KCNB2: variants seen among roughly 807,000 people sequenced by gnomAD.
KCNB2 encodes potassium voltage-gated channel subfamily B member 2, also known as delayed rectifier potassium channel protein.
KCNB2 carries 15 observed loss-of-function variants against 61.5 expected under a neutral mutation model. The observed-to-expected ratio is 0.24, with a 90% confidence interval of 0.16 to 0.38. The LOEUF (loss-of-function observed/expected upper bound fraction) is 0.38, where lower values mean the gene tolerates loss of function less well. Among genes scored for constraint, KCNB2 ranks in the 10% least tolerant of loss-of-function variants. The pLI is 1.00. For synonymous variants in KCNB2, 457 were observed against 446.0 expected (o/e 1.02, Z -0.31); for missense variants, 828 against 1,125.2 (o/e 0.74, Z 3.78).
chr8:72,802,917 T>C (rs1337383269), intron 2 of KCNB2, among the ~76,000 whole-genome samples: 4 of 152,212 alleles, frequency 2.6e-5, no homozygotes, highest in Non-Finnish European at 5.9e-5. Context: ...TGATGAATGC[T>C]GTGGAATGTC....
At chr8:72,705,215 T>C (rs1182764966) in intron 2 of KCNB2, among the ~76,000 whole-genome samples, 1 of 152,240 alleles carries the variant, frequency 6.6e-6, no homozygotes, top group Non-Finnish European at 1.5e-5. Flanking sequence ...AAGCTTGAGC[T>C]ATTTACCAGT....
At chr8:72,561,761 GGATATATA>G (rs1806531767) in intron 1 of KCNB2, among the ~76,000 whole-genome samples, 4 of 24,404 alleles carry the variant, frequency 1.6e-4, no homozygotes, top group African/African-American at 6.4e-4. Context: ...ATATATATAT[GGATATATA>G]TATATATGGA....
chr8:72,809,571 T>C (rs1174251045), intron 2 of KCNB2, among the ~76,000 whole-genome samples: 2 of 152,168 alleles, frequency 1.3e-5, no homozygotes, highest in African/African-American at 4.8e-5. Flanking sequence ...TGCTTTCAAC[T>C]TTATTAGAGA....
At chr8:72,680,753 T>C (rs1022034361) in intron 2 of KCNB2, among the ~76,000 whole-genome samples, 9 of 152,088 alleles carry the variant, frequency 5.9e-5, no homozygotes, top group Non-Finnish European at 1.3e-4. Flanking sequence ...CCCTCAGAAA[T>C]GCACGAGATA....
chr8:72,659,187 G>A (rs927293109), intron 2 of KCNB2, among the ~76,000 whole-genome samples: 7 of 152,180 alleles, frequency 4.6e-5, no homozygotes, highest in South Asian at 2.1e-4. Context: ...ATGATTCACC[G>A]GAGGAGGTCA....
intron 1 of KCNB2, among the ~76,000 whole-genome samples, chr8:72,539,382 G>A (rs774569031): frequency 3.9e-5 from 6 of 152,210 alleles, no homozygotes; most frequent in Non-Finnish European, 7.3e-5. Flanking sequence ...ACCTAGAAGA[G>A]TTAATATGCT....
intron 2 of KCNB2, among the ~76,000 whole-genome samples, chr8:72,914,996 C>A (rs1244787568): frequency 6.6e-6 from 1 of 151,968 alleles, no homozygotes; most frequent in Non-Finnish European, 1.5e-5. Context: ...CCTCCACCTC[C>A]TGTGTTGAAG....
intron 2 of KCNB2, among the ~76,000 whole-genome samples, chr8:72,891,357 C>T (rs1194059496): frequency 6.6e-6 from 1 of 152,108 alleles, no homozygotes; most frequent in African/African-American, 2.4e-5. Flanking sequence ...ATGCAGGATG[C>T]GTTCCATAAA....
At chr8:72,643,009 G>A (rs185015025) in intron 2 of KCNB2, among the ~76,000 whole-genome samples, 5 of 152,192 alleles carry the variant, frequency 3.3e-5, no homozygotes, top group Admixed American at 2.0e-4. Context: ...TAAAGGAAAC[G>A]AAATTTAAAC....
chr8:72,597,019 T>G (rs1287936553), intron 2 of KCNB2, among the ~76,000 whole-genome samples: 1 of 44,676 alleles, frequency 2.2e-5, no homozygotes, highest in African/African-American at 4.8e-5. Context: ...TTTTTTTTTT[T>G]TTTTTTTTTT....
chr8:72,569,650 G>GC (rs1806680367), intron 2 of KCNB2, among the ~76,000 whole-genome samples: 1 of 151,854 alleles, frequency 6.6e-6, no homozygotes, highest in Non-Finnish European at 1.5e-5. Context: ...AAAATGTGCC[G>GC]CATTTGTGGG....
chr8:72,772,229 T>A (rs1808573051), intron 2 of KCNB2, among the ~76,000 whole-genome samples: 1 of 152,184 alleles, frequency 6.6e-6, no homozygotes, highest in African/African-American at 2.4e-5. Context: ...CAGCAGGTCG[T>A]ACCCACAGGC....
chr8:72,600,566 A>G (rs1436671997), intron 2 of KCNB2, among the ~76,000 whole-genome samples: 2 of 152,040 alleles, frequency 1.3e-5, no homozygotes, highest in Non-Finnish European at 2.9e-5. Context: ...TACGTTGTGT[A>G]CATGTACCCT....
In KCNB2 at chr8:72,572,674, G is replaced by A. The variant is rs569349948; in HGVS notation, c.579+4361G>A. On this transcript the variant is annotated intron_variant, in intron 2 of 2. Coordinates refer to ENST00000523207, the MANE Select transcript of KCNB2 (RefSeq NM_004770.3). ...TTTATTTTAGCTTAAGAAAAGGGGG[G>A]AATGATTGACTAGAGAAAGATTTCA... 7.6e-4 allele frequency among the ~76,000 whole-genome samples: 115 copies of A among 152,106 alleles called. 1 individual carries two copies. The South Asian group carries it at 0.023, about 31-fold the overall frequency.
chr8:72,725,599 A>ATATATATGTATGTGTG lies in KCNB2; in HGVS notation c.579+157293_579+157294insGTATGTGTGTATATAT, dbSNP rs1318077275. Among the ~76,000 whole-genome samples the ATATATATGTATGTGTG allele has an allele frequency of 6.4e-3, 372 of 58,072 alleles. 1 individual carries two copies. Among genetic ancestry groups the ATATATATGTATGTGTG allele is most frequent in the African/African-American group, 0.011 (249 of 22,660 alleles). 38.1% of individuals were successfully genotyped at this position (58,072 alleles called of 152,430 possible). A position where few individuals can be genotyped will look rare whatever the true frequency, so the allele number is the denominator to read the frequency against. ...TGTATATATATATGTATGTATATAT[A>ATATATATGTATGTGTG]TATATATATATATATATATATATGC... On this transcript the variant is annotated intron_variant, in intron 2 of 2. Coordinates refer to ENST00000523207, the MANE Select transcript of KCNB2 (RefSeq NM_004770.3).
intron 2 of KCNB2, among the ~76,000 whole-genome samples, chr8:72,917,296 C>T (rs1206113329): frequency 6.6e-6 from 1 of 152,132 alleles, no homozygotes; most frequent in East Asian, 1.9e-4. Flanking sequence ...ACCAAATAAA[C>T]TTCCAGTGGA....
intron 2 of KCNB2, among the ~76,000 whole-genome samples, chr8:72,921,589 A>G (rs1160331912): frequency 6.6e-6 from 1 of 152,196 alleles, no homozygotes; most frequent in Non-Finnish European, 1.5e-5. Context: ...TGGTTTTTAA[A>G]TTTCCTAACA....
chr8:72,575,282 G>A lies in KCNB2; in HGVS notation c.579+6969G>A, dbSNP rs556589551. ...CAGCATGTTACAGAGAATCTCATAA[G>A]GATTGGTACATTGATATATATGGTA... On this transcript the variant is annotated intron_variant, in intron 2 of 2. Transcript: ENST00000523207. Among the ~76,000 whole-genome samples the A allele has an allele frequency of 1.7e-4, 19 of 112,434 alleles. 1 individual carries two copies. The South Asian group carries it at 4.8e-3, about 29-fold the overall frequency. 73.8% of individuals were successfully genotyped at this position (112,434 alleles called of 152,430 possible). A position where few individuals can be genotyped will look rare whatever the true frequency, so the allele number is the denominator to read the frequency against.
At chr8:72,585,515 G>A (rs1187667790) in intron 2 of KCNB2, among the ~76,000 whole-genome samples, 1 of 152,134 alleles carries the variant, frequency 6.6e-6, no homozygotes, top group African/African-American at 2.4e-5. Flanking sequence ...ATCAATAAAT[G>A]CTTAGTTTTT....
Sources: gnomAD v4.1 joint callset for allele counts (sites outside exome capture counted in the v4.1 genomes callset) on GRCh38, gnomAD v4.1.1 for gene constraint, MANE v1.5 for transcripts, NCBI Gene and HGNC (gene_info 2026-07-23, HGNC 2026-07-21) for gene names.